POFUT3: variants seen among roughly 807,000 people sequenced by gnomAD.
POFUT3 encodes the protein GDP-fucose protein O-fucosyltransferase 3.
At chr8:33,436,438 G>T in the POFUT3 span, 1 of 1,445,416 alleles carries the variant, frequency 6.9e-7, no homozygotes, top group Non-Finnish European at 9.7e-7. Flanking sequence ...ATTGGTACAG[G>T]TGGGACTGAT....
the POFUT3 span, among the ~76,000 whole-genome samples, chr8:33,335,270 T>A: frequency 1.3e-5 from 2 of 152,032 alleles, no homozygotes; most frequent in Non-Finnish European, 2.9e-5. Flanking sequence ...TATATAGAAA[T>A]TGACTCACAG....
the POFUT3 span, among the ~76,000 whole-genome samples, chr8:33,352,271 C>T: frequency 6.6e-6 from 1 of 152,176 alleles, no homozygotes; most frequent in African/African-American, 2.4e-5. Flanking sequence ...GCTGTCACTA[C>T]GTGAGATTTT....
chr8:33,428,888 T>G, the POFUT3 span, among the ~76,000 whole-genome samples: 1 of 152,248 alleles, frequency 6.6e-6, no homozygotes, highest in Non-Finnish European at 1.5e-5. Flanking sequence ...AATAAATTTC[T>G]GTTGCATATT....
At chr8:33,442,930 A>G in the POFUT3 span, among the ~76,000 whole-genome samples, 1 of 152,198 alleles carries the variant, frequency 6.6e-6, no homozygotes, top group Non-Finnish European at 1.5e-5. Context: ...GTTTAGCAAC[A>G]TGGCAAGACT....
At chr8:33,416,892 G>A in the POFUT3 span, among the ~76,000 whole-genome samples, 6 of 151,028 alleles carry the variant, frequency 4.0e-5, no homozygotes, top group Non-Finnish European at 8.9e-5. Context: ...AGAAGAGGAT[G>A]TTTGGCCTCA....
the POFUT3 span, among the ~76,000 whole-genome samples, chr8:33,351,080 G>A: frequency 2.0e-5 from 3 of 151,960 alleles, no homozygotes; most frequent in African/African-American, 4.8e-5. Flanking sequence ...TCAGCCTCCC[G>A]AGTACCTGGG....
At chr8:33,415,874 C>A in the POFUT3 span, among the ~76,000 whole-genome samples, 1 of 152,304 alleles carries the variant, frequency 6.6e-6, no homozygotes, top group East Asian at 1.9e-4. Flanking sequence ...CAGCCTCCCG[C>A]TAGAAGCCAC....
At chr8:33,440,952 G>T in the POFUT3 span, among the ~76,000 whole-genome samples, 2 of 152,130 alleles carry the variant, frequency 1.3e-5, no homozygotes, top group African/African-American at 2.4e-5. Flanking sequence ...TTAAAGGCCA[G>T]GGGACTCGAA....
the POFUT3 span, among the ~76,000 whole-genome samples, chr8:33,433,244 C>A: frequency 6.6e-6 from 1 of 151,624 alleles, no homozygotes; most frequent in South Asian, 2.1e-4. Flanking sequence ...AAAAAAAAAT[C>A]ATTCATTAAT....
At chr8:33,434,658 C>T in the POFUT3 span, among the ~76,000 whole-genome samples, 1 of 152,200 alleles carries the variant, frequency 6.6e-6, no homozygotes, top group Non-Finnish European at 1.5e-5. Context: ...GGCACCAGAC[C>T]TCGGCTTTGG....
the POFUT3 span, among the ~76,000 whole-genome samples, chr8:33,464,553 T>C: frequency 2.6e-5 from 4 of 152,194 alleles, no homozygotes; most frequent in African/African-American, 9.7e-5. Flanking sequence ...CTCATGCAGG[T>C]AATCCCAACA....
At chr8:33,389,417 G>C in the POFUT3 span, 1 of 1,614,206 alleles carries the variant, frequency 6.2e-7, no homozygotes, top group Non-Finnish European at 8.5e-7. Flanking sequence ...CAGCTGCTGA[G>C]GGAGGTCTTT....
chr8:33,366,452 T>C, the POFUT3 span, among the ~76,000 whole-genome samples: 1 of 152,148 alleles, frequency 6.6e-6, no homozygotes, highest in Admixed American at 6.6e-5. Flanking sequence ...AAAAAAGTAT[T>C]TAACTTGTAA....
the POFUT3 span, among the ~76,000 whole-genome samples, chr8:33,385,953 C>G: frequency 6.6e-6 from 1 of 151,604 alleles, no homozygotes; most frequent in Non-Finnish European, 1.5e-5. Context: ...TTTGGGAGGC[C>G]GAGGCCGGTG....
chr8:33,369,279 A>G, the POFUT3 span, among the ~76,000 whole-genome samples: 1 of 152,234 alleles, frequency 6.6e-6, no homozygotes, highest in African/African-American at 2.4e-5. Flanking sequence ...GATAATAAAG[A>G]CAGTATGTTG....
chr8:33,432,342 G>A, the POFUT3 span, among the ~76,000 whole-genome samples: 2 of 151,540 alleles, frequency 1.3e-5, no homozygotes, highest in Non-Finnish European at 2.9e-5. Flanking sequence ...GGGAGGTGGA[G>A]GTTCCAGTGA....
At chr8:33,391,021 T>C in the POFUT3 span, among the ~76,000 whole-genome samples, 1 of 152,220 alleles carries the variant, frequency 6.6e-6, no homozygotes, top group African/African-American at 2.4e-5. Flanking sequence ...TGTAGACCCT[T>C]GAGTTTTTTT....
the POFUT3 span, among the ~76,000 whole-genome samples, chr8:33,445,596 C>T: frequency 6.6e-6 from 1 of 152,118 alleles, no homozygotes; most frequent in Admixed American, 6.5e-5. Flanking sequence ...GTACTTGTTC[C>T]TTTTCTGTGT....
chr8:33,466,101 A>G, the POFUT3 span, among the ~76,000 whole-genome samples: 6 of 152,252 alleles, frequency 3.9e-5, no homozygotes, highest in East Asian at 5.8e-4. Flanking sequence ...CCAGAAGTGT[A>G]GTAGGTCTCA....
Sources: gnomAD v4.1 joint callset for allele counts (sites outside exome capture counted in the v4.1 genomes callset) on GRCh38, gnomAD v4.1.1 for gene constraint, MANE v1.5 for transcripts, NCBI Gene and HGNC (gene_info 2026-07-23, HGNC 2026-07-21) for gene names.